Variants in TCHH observed in about 807,000 individuals in gnomAD.
The protein encoded by TCHH is trichohyalin.
Under a neutral mutation model 6.3 loss-of-function variants are expected in TCHH, and 6 were observed. The ratio of observed to expected loss-of-function variants is 0.95; its 90% CI spans 0.52 to 1.88. TCHH has a LOEUF of 1.88. Among genes scored for constraint, TCHH ranks in the 40% most tolerant of loss-of-function variants. The pLI is 0.01. For synonymous variants in TCHH, 1,087 were observed against 963.6 expected (o/e 1.13, Z -2.37); for missense variants, 2,920 against 2,449.1 (o/e 1.19, Z -4.06).
chr1:152,114,002 C>G lies in TCHH; in HGVS notation c.79G>C (p.Ala27Pro). 6.2e-7 allele frequency: 1 copy of G among 1,613,974 alleles called. No homozygotes were observed. The highest frequency in any genetic ancestry group is 8.5e-7 in the Non-Finnish European group (1 of 1,179,950). ...QYVSHDCDGA[A>P]LTKKDLKNLL... is the part of the protein sequence containing the mutation. ...TTCTTCAGGTCTTTCTTAGTTAATGCTGCTCCATCACAATCATGAGAGACA... is the reference window on the plus strand; with the variant it reads ...TTCTTCAGGTCTTTCTTAGTTAATGGTGCTCCATCACAATCATGAGAGACA... Residue 27 changes from alanine (A) to proline (P), a missense_variant, in exon 2 of 3, where the codon GCA (alanine) becomes CCA (proline). Physicochemically the swap from Ala to Pro is conservative, Grantham distance 27. Transcript: ENST00000614923.
Position 152,109,769 on chromosome 1 carries a change from C to G in TCHH, c.3448G>C (p.Glu1150Gln). The G allele has an allele frequency of 6.3e-7, 1 of 1,580,276 alleles. No individual in the cohort carries two copies. Among genetic ancestry groups the G allele is most frequent in the Middle Eastern group, 1.7e-4 (1 of 5,858 alleles). Reference sequence around the variant, plus strand: ...GGTTCCTCTCTCAGCAGCTGCTCTTCCTCCTGCTGCACCTCCTCTTCCTCC... The same window carrying G: ...GGTTCCTCTCTCAGCAGCTGCTCTTGCTCCTGCTGCACCTCCTCTTCCTCC... ...YREEEEVQQE[E>Q]EQLLREEPEK... The change falls in exon 3 of 3, where the codon GAA becomes CAA. Residue 1150 changes from glutamate to glutamine, a missense_variant. By Grantham distance (29) the Glu-to-Gln change is conservative. Coordinates refer to ENST00000614923, the MANE Select transcript of TCHH (RefSeq NM_007113.4).
rs202138201 is a variant in TCHH at position 152,109,073 on chromosome 1, G to A, written c.4144C>T (p.Arg1382Trp). ...QGRKFLEEEQRLRRQERERKF... is the reference protein window; with the variant it reads ...QGRKFLEEEQWLRRQERERKF... Reference sequence around the variant, plus strand: ...CTCTCCCGTTCCTGGCGGCGCAGCCGCTGTTCCTCCTCGAGGAATTTTCTC... The same window carrying A: ...CTCTCCCGTTCCTGGCGGCGCAGCCACTGTTCCTCCTCGAGGAATTTTCTC... The change falls in exon 3 of 3, where the codon CGG becomes TGG. Residue 1382 changes from arginine to tryptophan, a missense_variant. Arg to Trp is a moderately radical substitution (Grantham distance 101). Transcript: ENST00000614923. 367 of 1,613,034 alleles carry A rather than the reference G, an allele frequency of 2.3e-4. 1 individual carries two copies. Among genetic ancestry groups the A allele is most frequent in the Non-Finnish European group, 2.9e-4 (348 of 1,179,820 alleles).
chr1:152,111,441 G>T lies in TCHH; in HGVS notation c.1776C>A (p.Arg592=). 1.9e-6 allele frequency: 3 copies of T among 1,593,602 alleles called. No individual in the cohort carries two copies. In the African/African-American group the frequency reaches 4.4e-5, roughly 24 times the overall value. ...GCTGCTCGAGCCTCTCTTCCTGCTC[G>T]CGCTTCAGCCGCTGCTGGCGCCTCT... ...EEERRQQRLK[R]EQEERLEQRL... is the part of the protein sequence containing the mutation. The change falls in exon 3 of 3, where the codon CGC becomes CGA. Residue 592 remains arginine (R), a synonymous_variant. Coordinates refer to ENST00000614923, the MANE Select transcript of TCHH (RefSeq NM_007113.4).
Position 152,111,323 on chromosome 1 carries a change from G to C in TCHH, c.1894C>G (p.Gln632Glu). Residue 632 changes from glutamine to glutamate, a missense_variant, in exon 3 of 3, where the codon CAG becomes GAG. Coordinates refer to ENST00000614923, the MANE Select transcript of TCHH (RefSeq NM_007113.4). ...TCCTGCTCCTCGCTCTTCAGCAGCT[G>C]CTGGCGCCTCTCTTCCTCCGGCTCC... ...REEPEEERRQQLLKSEEQEER... is the reference protein window; with the variant it reads ...REEPEEERRQELLKSEEQEER... 6.3e-7 allele frequency: 1 copy of C among 1,597,308 alleles called. No individual in the cohort carries two copies.
In TCHH at chr1:152,110,616, C is replaced by G; in HGVS notation, c.2601G>C (p.Glu867Asp). 6.2e-7 allele frequency: 1 copy of G among 1,614,204 alleles called. No homozygotes were observed. The highest frequency in any genetic ancestry group is 8.5e-7 in the Non-Finnish European group (1 of 1,180,036). The change falls in exon 3 of 3, where the codon GAG becomes GAC. Residue 867 changes from glutamate (E) to aspartate (D), a missense_variant. Transcript: ENST00000614923. ...QEDQERRRSQ[E>D]QRRDQKWRWQ... is the part of the protein sequence containing the mutation. Reference sequence around the variant, plus strand: ...ACCTCCATTTTTGGTCGCGGCGCTGCTCCTGGCTTCGCCTCCTCTCCTGAT... The same window carrying G: ...ACCTCCATTTTTGGTCGCGGCGCTGGTCCTGGCTTCGCCTCCTCTCCTGAT...
rs1658238569 is a variant in TCHH, at chr1:152,109,377, C to G, written c.3840G>C (p.Glu1280Asp). The G allele has an allele frequency of 6.2e-7, 1 of 1,614,130 alleles. No individual in the cohort carries two copies. The highest frequency in any genetic ancestry group is 8.5e-7 in the Non-Finnish European group (1 of 1,180,046). The change falls in exon 3 of 3, where the codon GAG becomes GAC. Residue 1280 changes from glutamate (E) to aspartate (D), a missense_variant. Physicochemically the swap from Glu to Asp is conservative, Grantham distance 45. Transcript: ENST00000614923. ...LLGEQQERDR[E>D]QERRRWQQRD... ...GCTGCTGCCAGCGCCTCCTCTCTTGCTCACGATCTCGCTCTTGCTGTTCAC... is the reference window on the plus strand; with the variant it reads ...GCTGCTGCCAGCGCCTCCTCTCTTGGTCACGATCTCGCTCTTGCTGTTCAC...
chr1:152,107,465 G>T lies in TCHH; in HGVS notation c.5752C>A (p.His1918Asn). ...CGCACTGGGACACTGGCAAACTGAT[G>T]AGTGCCGGGCTCCAGAAGCCGCCCA... ...GHGRLLEPGT[H>N]QFASVPVRSS... The change falls in exon 3 of 3, where the codon CAT becomes AAT. Residue 1918 changes from histidine to asparagine, a missense_variant. Transcript: ENST00000614923. 6.2e-7 allele frequency: 1 copy of T among 1,614,106 alleles called. No individual in the cohort carries two copies.
Position 152,107,841 on chromosome 1 carries a change from C to T in TCHH, c.5376G>A (p.Glu1792=), listed in dbSNP as rs1340221257. ...EREEQQLRSQ[E]SDRKFREEEQ... ...CCTCCTCGCGGAATTTTCTGTCAGA[C>T]TCTTGGCTGCGCAGCTGCTGTTCCT... The change falls in exon 3 of 3, where the codon GAG becomes GAA. Residue 1792 remains glutamate, a synonymous_variant. Coordinates refer to ENST00000614923, the MANE Select transcript of TCHH (RefSeq NM_007113.4). 3 of 1,613,392 alleles carry T rather than the reference C, an allele frequency of 1.9e-6. No homozygotes were observed. Among genetic ancestry groups the T allele is most frequent in the Admixed American group, 1.7e-5 (1 of 59,952 alleles).
Position 152,107,764 on chromosome 1 carries a change from T to A in TCHH, c.5453A>T (p.Asp1818Val). 6.2e-7 allele frequency: 1 copy of A among 1,614,232 alleles called. No homozygotes were observed. The highest frequency in any genetic ancestry group is 1.1e-5 in the South Asian group (1 of 91,092). Reference sequence around the variant, plus strand: ...CTCTTCTTCCCAGCGATACTTTCCGTCACGCTGTTGGGGGCGCAGCTGCTG... The same window carrying A: ...CTCTTCTTCCCAGCGATACTTTCCGACACGCTGTTGGGGGCGCAGCTGCTG... Reference protein sequence around the residue: ...EEQQLRPQQRDGKYRWEEEQL... With the variant: ...EEQQLRPQQRVGKYRWEEEQL... Residue 1818 changes from aspartate (D) to valine (V), a missense_variant, in exon 3 of 3, where the codon GAC becomes GTC. Physicochemically the swap from Asp to Val is radical, Grantham distance 152 (BLOSUM62 -3). Transcript: ENST00000614923.
rs552307221 is a variant in TCHH, at chr1:152,112,379, T to G, written c.838A>C (p.Lys280Gln). 6.2e-7 allele frequency: 1 copy of G among 1,613,778 alleles called. No homozygotes were observed. The change falls in exon 3 of 3, where the codon AAG becomes CAG. Residue 280 changes from lysine to glutamine, a missense_variant. By Grantham distance (53) the Lys-to-Gln change is moderately conservative. Transcript: ENST00000614923. ...ELQEEEEQLR[K>Q]LERQELRRER... is the part of the protein sequence containing the mutation. The stretch of plus-strand genomic sequence containing the variant: ...CTCCTCAGCTCTTGCCGCTCCAGCT[T>G]CCGTAGCTGCTCTTCTTCCTCCTGG...
rs772483455 is a variant in TCHH at position 152,110,436 on chromosome 1, C to T, written c.2781G>A (p.Glu927=). 26 of 1,614,042 alleles carry T rather than the reference C, an allele frequency of 1.6e-5. 1 individual carries two copies. In the South Asian group the frequency reaches 2.6e-4, roughly 16 times the overall value. The part of the protein sequence containing the change: ...EREKRRRQEQ[E]RQYREEEQLQ... ...GCTGCTCTTCCTCGCGGTATTGTCT[C>T]TCCTGTTCTTGGCGCCTTCTCTTCT... is the stretch of plus-strand genomic sequence containing the variant. Residue 927 remains glutamate, a synonymous_variant, in exon 3 of 3, where the codon GAG becomes GAA. Coordinates refer to ENST00000614923, the MANE Select transcript of TCHH (RefSeq NM_007113.4).
At position 152,107,671 on chromosome 1, in the gene TCHH, T is replaced by C. The variant is rs761536073; in HGVS notation, c.5546A>G (p.Glu1849Gly). 2 of 1,614,058 alleles carry C rather than the reference T, an allele frequency of 1.2e-6. No individual in the cohort carries two copies. Among genetic ancestry groups the C allele is most frequent in the Non-Finnish European group, 1.7e-6 (2 of 1,180,052 alleles). Residue 1849 changes from glutamate (E) to glycine (G), a missense_variant, in exon 3 of 3, where the codon GAG becomes GGG. Coordinates refer to ENST00000614923, the MANE Select transcript of TCHH (RefSeq NM_007113.4). ...QERDRQYRAEEQFATQEKSRR... is the reference protein window; with the variant it reads ...QERDRQYRAEGQFATQEKSRR... ...ACTCTTCTCCTGCGTGGCAAACTGC[T>C]CCTCCGCCCGGTACTGCCGGTCTCG... is the stretch of plus-strand genomic sequence containing the variant.
rs1228227609 is a variant in TCHH, at chr1:152,108,720, A to G, written c.4497T>C (p.Arg1499=). ...GTTCCTGTTCGCGGAATTTTCTGTC[A>G]CGCTCTTGGCGGCGCAGCTGTTGTT... ...EEEQQLRRQE[R]DRKFREQELR... is the part of the protein sequence containing the mutation. Residue 1499 remains arginine (R), a synonymous_variant, in exon 3 of 3, where the codon CGT becomes CGC. Coordinates refer to ENST00000614923, the MANE Select transcript of TCHH (RefSeq NM_007113.4). The G allele has an allele frequency of 3.1e-6, 5 of 1,589,598 alleles. No homozygotes were observed. In the Admixed American group the frequency reaches 8.7e-5, roughly 28 times the overall value.
In TCHH at chr1:152,110,180, G is replaced by A. The variant is rs773324878; in HGVS notation, c.3037C>T (p.Arg1013Cys). ...LLREEREKRRRQEWERQYRKK... is the reference protein window; with the variant it reads ...LLREEREKRRCQEWERQYRKK... ...CGGTACTGCCTCTCCCACTCCTGGC[G>A]CCTTCTCTTCTCCCGTTCCTCTCTC... The change falls in exon 3 of 3, where the codon CGC (arginine) becomes TGC (cysteine). Residue 1013 changes from arginine to cysteine, a missense_variant. Physicochemically the swap from Arg to Cys is radical, Grantham distance 180. Coordinates refer to ENST00000614923, the MANE Select transcript of TCHH (RefSeq NM_007113.4). The A allele has an allele frequency of 3.1e-6, 5 of 1,606,898 alleles. No individual in the cohort carries two copies. The South Asian group carries it at 3.3e-5, about 11-fold the overall frequency.
rs367821937 is a variant in TCHH, at chr1:152,107,641, C to T, written c.5576G>A (p.Arg1859His). 4.6e-5 allele frequency: 74 copies of T among 1,614,006 alleles called. No homozygotes were observed. The highest frequency in any genetic ancestry group is 6.0e-5 in the Non-Finnish European group (71 of 1,180,036). The stretch of plus-strand genomic sequence containing the variant: ...TTCTTGCCATAGTTCTTGTTCCTCA[C>T]GACGACTCTTCTCCTGCGTGGCAAA... Reference protein sequence around the residue: ...EQFATQEKSRREEQELWQEEE... With the variant: ...EQFATQEKSRHEEQELWQEEE... Residue 1859 changes from arginine (R) to histidine (H), a missense_variant, in exon 3 of 3, where the codon CGT becomes CAT. By Grantham distance (29) the Arg-to-His change is conservative. Transcript: ENST00000614923.
chr1:152,113,319 G>C (rs1179100105), intron 2 of TCHH, among the ~76,000 whole-genome samples: 1 of 152,156 alleles, frequency 6.6e-6, no homozygotes, highest in Non-Finnish European at 1.5e-5. Flanking sequence ...TAAGGAAGCA[G>C]GAAGAGAGAC....
At chr1:152,113,748 A>T (rs1299413706) in intron 2 of TCHH, among the ~76,000 whole-genome samples, 195 bp downstream of exon 2, 1 of 152,240 alleles carries the variant, frequency 6.6e-6, no homozygotes, top group East Asian at 1.9e-4. Flanking sequence ...CATGCCATCA[A>T]GTACATGAAA....
In TCHH at chr1:152,111,222, TTCCTCC is replaced by T. The variant is rs780392318; in HGVS notation, c.1989_1994del (p.Glu665_Glu666del). 1 of 1,547,510 alleles carries T rather than the reference TTCCTCC, an allele frequency of 6.5e-7. No individual in the cohort carries two copies. The highest frequency in any genetic ancestry group is 1.5e-5 in the African/African-American group (1 of 64,946). Reference sequence around the variant, plus strand: ...GCTTCAGCCGCTGCTCGAGCCTCTCTTCCTCCTCCTCGCGCTTCAGCCGCTGCTCGC... The same window carrying T: ...GCTTCAGCCGCTGCTCGAGCCTCTCTTCCTCGCGCTTCAGCCGCTGCTCGC... On this transcript the variant is annotated inframe_deletion, in exon 3 of 3. Transcript: ENST00000614923.
chr1:152,110,714 C>A lies in TCHH; in HGVS notation c.2503G>T (p.Glu835Ter). The change falls in exon 3 of 3, where the codon GAG becomes TAG. Residue 835 changes from glutamate to a stop codon, truncating the protein, a stop_gained. Coordinates refer to ENST00000614923, the MANE Select transcript of TCHH (RefSeq NM_007113.4). LOFTEE classifies it low-confidence loss of function (END_TRUNC). ...REREKELQFL[E>*]EEEQLQRRER... ...CGCCGCTGGAGCTGCTCCTCTTCCTCCAGGAACTGCAGCTCTTTCTCCCTC... is the reference window on the plus strand; with the variant it reads ...CGCCGCTGGAGCTGCTCCTCTTCCTACAGGAACTGCAGCTCTTTCTCCCTC... The A allele has an allele frequency of 6.2e-7, 1 of 1,611,736 alleles. No homozygotes were observed. The highest frequency in any genetic ancestry group is 8.5e-7 in the Non-Finnish European group (1 of 1,179,978).
Sources: gnomAD v4.1 joint callset for allele counts (sites outside exome capture counted in the v4.1 genomes callset) on GRCh38, gnomAD v4.1.1 for gene constraint, MANE v1.5 for transcripts, NCBI Gene and HGNC (gene_info 2026-07-23, HGNC 2026-07-21) for gene names.